The following L3MBTL4 variants were observed in gnomAD, a reference collection of about 807,000 sequenced individuals.
The protein encoded by L3MBTL4 is L3MBTL histone methyl-lysine binding protein 4.
A neutral mutation model predicts 84.5 loss-of-function variants in L3MBTL4; 70 were observed. The observed-to-expected ratio is 0.83, with a 90% CI of 0.68 to 1.01. The LOEUF (loss-of-function observed/expected upper bound fraction) is 1.01, where lower values mean the gene tolerates loss of function less well. Among genes scored for constraint, L3MBTL4 ranks in the 50% least tolerant of loss-of-function variants. The pLI, the probability that L3MBTL4 is intolerant of heterozygous loss-of-function variation, is 0.00. For synonymous variants in L3MBTL4, 274 were observed against 259.8 expected (o/e 1.05, Z -0.52); for missense variants, 715 against 754.8 (o/e 0.95, Z 0.62).
intron 13 of L3MBTL4, among the ~76,000 whole-genome samples, chr18:6,138,620 C>T (rs1490131505): frequency 6.6e-6 from 1 of 152,010 alleles, no homozygotes; most frequent in Non-Finnish European, 1.5e-5. Flanking sequence ...TGGCGCATCT[C>T]GGCTCACTGC....
At chr18:6,177,928 TGG>T (rs1469254893) in intron 12 of L3MBTL4, among the ~76,000 whole-genome samples, 1 of 152,216 alleles carries the variant, frequency 6.6e-6, no homozygotes, top group Non-Finnish European at 1.5e-5. Flanking sequence ...CTTTTAAGTC[TGG>T]GGTGCAATTT....
chr18:6,195,861 C>T (rs2045353663), intron 12 of L3MBTL4, among the ~76,000 whole-genome samples: 1 of 152,140 alleles, frequency 6.6e-6, no homozygotes, highest in Admixed American at 6.5e-5. Context: ...CAAACCACCC[C>T]AGAGCAGACA....
chr18:6,283,379 GA>G (rs1369297420), intron 4 of L3MBTL4, among the ~76,000 whole-genome samples: 5 of 152,182 alleles, frequency 3.3e-5, no homozygotes, highest in Non-Finnish European at 5.9e-5. Flanking sequence ...GGTTATGTAA[GA>G]AAAGAAAAAC....
chr18:6,349,678 C>T (rs928073453), intron 1 of L3MBTL4, among the ~76,000 whole-genome samples: 3 of 152,022 alleles, frequency 2.0e-5, no homozygotes, highest in Non-Finnish European at 4.4e-5. Context: ...TGTGATTGCA[C>T]CACTGTACTC....
At chr18:6,187,010 G>T (rs2044804760) in intron 12 of L3MBTL4, among the ~76,000 whole-genome samples, 1 of 152,198 alleles carries the variant, frequency 6.6e-6, no homozygotes, top group East Asian at 1.9e-4. Context: ...TGGAGACGGG[G>T]CAGGTGGAGG....
chr18:6,153,521 A>G (rs1021951823), intron 13 of L3MBTL4, among the ~76,000 whole-genome samples: 2 of 152,160 alleles, frequency 1.3e-5, no homozygotes, highest in Non-Finnish European at 2.9e-5. Flanking sequence ...ATAAAGACCC[A>G]ACTGATTTTT....
At chr18:6,395,007 T>C (rs917592731) in intron 1 of L3MBTL4, 1 of 152,218 alleles carries the variant, frequency 6.6e-6, no homozygotes, top group Non-Finnish European at 1.5e-5. Context: ...GACATACATG[T>C]AGATGTCTTT....
chr18:6,074,194 C>G (rs186057020), intron 16 of L3MBTL4, among the ~76,000 whole-genome samples: 1 of 152,156 alleles, frequency 6.6e-6, no homozygotes, highest in African/African-American at 2.4e-5. Flanking sequence ...CCTGGCCGCA[C>G]GTCTAGAATC....
At chr18:6,116,928 C>A (rs1352604066) in intron 14 of L3MBTL4, among the ~76,000 whole-genome samples, 2 of 152,192 alleles carry the variant, frequency 1.3e-5, no homozygotes, top group Non-Finnish European at 2.9e-5. Context: ...CGTACTGTTA[C>A]CATCTATGCA....
intron 16 of L3MBTL4, among the ~76,000 whole-genome samples, chr18:5,996,286 G>A (rs1179676653): frequency 6.6e-5 from 10 of 152,036 alleles, no homozygotes; most frequent in Non-Finnish European, 8.8e-5. Flanking sequence ...TGATTCAGAC[G>A]ATCTTGATGT....
intron 1 of L3MBTL4, among the ~76,000 whole-genome samples, chr18:6,399,352 G>A (rs1231392641): frequency 3.3e-5 from 5 of 151,910 alleles, no homozygotes; most frequent in Admixed American, 1.3e-4. Context: ...CAGGAGAATC[G>A]CCTGAACCCG....
intron 16 of L3MBTL4, among the ~76,000 whole-genome samples, chr18:5,977,115 C>T (rs1003616936): frequency 6.6e-6 from 1 of 152,170 alleles, no homozygotes; most frequent in African/African-American, 2.4e-5. Context: ...GCTCCCTCAT[C>T]CAGGGAGAAG....
At chr18:6,411,662 A>C (rs1224359091) in intron 1 of L3MBTL4, among the ~76,000 whole-genome samples, 5 of 152,020 alleles carry the variant, frequency 3.3e-5, no homozygotes, top group Non-Finnish European at 7.4e-5. Flanking sequence ...TTTCCTGGGC[A>C]TGGACCATAG....
intron 18 of L3MBTL4, among the ~76,000 whole-genome samples, chr18:5,959,333 G>A (rs554295975): frequency 3.3e-5 from 5 of 152,294 alleles, no homozygotes; most frequent in African/African-American, 1.2e-4. Flanking sequence ...AGCTGCCATT[G>A]TAGTGTTGTC....
intron 14 of L3MBTL4, among the ~76,000 whole-genome samples, chr18:6,125,729 C>T (rs1409337683): frequency 1.3e-5 from 2 of 152,202 alleles, no homozygotes; most frequent in Admixed American, 6.5e-5. Context: ...TGTGCCTGAC[C>T]TTCTTTTTAA....
At chr18:6,332,958 T>C (rs1342311927) in intron 1 of L3MBTL4, among the ~76,000 whole-genome samples, 1 of 152,194 alleles carries the variant, frequency 6.6e-6, no homozygotes, top group Non-Finnish European at 1.5e-5. Context: ...AAGATTTGGA[T>C]TGTAATCCCA....
intron 17 of L3MBTL4, among the ~76,000 whole-genome samples, chr18:5,966,548 C>T (rs1309752454): frequency 3.3e-5 from 5 of 152,180 alleles, no homozygotes; most frequent in African/African-American, 1.2e-4. Context: ...TCTCTGGACA[C>T]TCACACCTTG....
At chr18:6,288,037 T>C (rs1368843169) in intron 4 of L3MBTL4, among the ~76,000 whole-genome samples, 1 of 152,200 alleles carries the variant, frequency 6.6e-6, no homozygotes, top group Non-Finnish European at 1.5e-5. Flanking sequence ...AACGAGACTC[T>C]GTCTCAACAA....
intron 5 of L3MBTL4, among the ~76,000 whole-genome samples, chr18:6,250,755 C>G (rs1413984517): frequency 6.6e-6 from 1 of 152,172 alleles, no homozygotes; most frequent in Non-Finnish European, 1.5e-5. Flanking sequence ...CACGATAGCT[C>G]TCAAAGGGAA....
Sources: allele counts gnomAD v4.1 joint callset (sites outside exome capture counted in the v4.1 genomes callset), GRCh38; gene constraint gnomAD v4.1.1; transcripts MANE v1.5; gene names NCBI Gene and HGNC (gene_info 2026-07-23, HGNC 2026-07-21).